Variants in CACNA1H observed in about 807,000 individuals in gnomAD.
The protein encoded by CACNA1H is calcium voltage-gated channel subunit alpha1 H.
A neutral mutation model predicts 192.5 loss-of-function variants in CACNA1H; 149 were observed. The observed-to-expected ratio is 0.77, with a 90% confidence interval of 0.68 to 0.89. The LOEUF is 0.89. Among genes scored for constraint, CACNA1H ranks in the 40% least tolerant of loss-of-function variants. The pLI is 0.00. For missense variants in CACNA1H, 4,257 were observed against 3,423.5 expected (o/e 1.24, Z -6.08); for synonymous variants, 2,202 against 1,475.2 (o/e 1.49, Z -11.29).
chr16:1,160,933 C>T (rs573952844), intron 2 of CACNA1H, among the ~76,000 whole-genome samples: 21 of 152,228 alleles, frequency 1.4e-4, no homozygotes, highest in Non-Finnish European at 2.9e-4. Context: ...AGTGCGGCCC[C>T]CCCCCAGCCT....
chr16:1,175,694 A>G (rs1964813857), intron 2 of CACNA1H, among the ~76,000 whole-genome samples: 1 of 152,202 alleles, frequency 6.6e-6, no homozygotes, highest in African/African-American at 2.4e-5. Context: ...AGGGAGGAGG[A>G]GGAGACCAGA....
At chr16:1,170,535 A>C (rs554331763) in intron 2 of CACNA1H, among the ~76,000 whole-genome samples, 1 of 152,326 alleles carries the variant, frequency 6.6e-6, no homozygotes, top group South Asian at 2.1e-4. Context: ...GGACCCCCAC[A>C]AGCCCAGTGG....
rs748186171 is a variant in CACNA1H, at chr16:1,198,685, C to T, written c.714C>T (p.Phe238=). The T allele has an allele frequency of 1.9e-5, 31 of 1,613,542 alleles. No individual in the cohort carries two copies. The highest frequency in any genetic ancestry group is 2.3e-5 in the Non-Finnish European group (27 of 1,179,658). ...TCGGGAACGTCCTTCTGCTGTGCTT[C>T]TTCGTCTTCTTCATTTTCGGCATCG... The part of the protein sequence containing the change: ...PMLGNVLLLC[F]FVFFIFGIVG... The change falls in exon 6 of 35, where the codon TTC becomes TTT. Residue 238 remains phenylalanine, a synonymous_variant. Transcript: ENST00000348261.
At chr16:1,213,100 G>A (rs547888150) in intron 26 of CACNA1H, among the ~76,000 whole-genome samples, 12 of 152,340 alleles carry the variant, frequency 7.9e-5, no homozygotes, top group African/African-American at 2.9e-4. Flanking sequence ...CTGCCTGGGG[G>A]ACACACGCAG....
chr16:1,195,574 C>A lies in CACNA1H; in HGVS notation c.545+9C>A. 1 of 1,583,892 alleles carries A rather than the reference C, an allele frequency of 6.3e-7. No individual in the cohort carries two copies. The highest frequency in any genetic ancestry group is 2.3e-5 in the East Asian group (1 of 43,376). On this transcript the variant is annotated intron_variant, in intron 4 of 34. Transcript: ENST00000348261. ...TTCATCGTCGTGGCGGGGTAGGCCCCGCCTGGGAGAGGCCACAGCGCTGGC... is the reference window on the plus strand; with the variant it reads ...TTCATCGTCGTGGCGGGGTAGGCCCAGCCTGGGAGAGGCCACAGCGCTGGC...
At chr16:1,174,365 A>ACAG (rs1964659405) in intron 2 of CACNA1H, among the ~76,000 whole-genome samples, 1 of 152,108 alleles carries the variant, frequency 6.6e-6, no homozygotes, top group East Asian at 1.9e-4. Flanking sequence ...CTAATGTTTC[A>ACAG]CAGCAGCCAA....
At chr16:1,179,442 C>G (rs111380142) in intron 2 of CACNA1H, among the ~76,000 whole-genome samples, 1 of 152,138 alleles carries the variant, frequency 6.6e-6, no homozygotes, top group Non-Finnish European at 1.5e-5. Flanking sequence ...CTGTTCCGTC[C>G]TCCTCATTTA....
Position 1,221,581 on chromosome 16 carries a change from G to T in CACNA1H, c.*587G>T, listed in dbSNP as rs552729817. The T allele has an allele frequency of 1.7e-5, 10 of 582,810 alleles. No homozygotes were observed. The highest frequency in any genetic ancestry group is 3.8e-5 in the African/African-American group (2 of 53,012). 36.1% of individuals were successfully genotyped at this position (582,810 alleles called of 1,614,324 possible). ...AGGGGCCGACCCCATGGAGTAACGC[G>T]CCCGGCCCCGATGCGAATCAGGCCT... On this transcript the variant is annotated 3_prime_UTR_variant, in exon 35 of 35. Transcript: ENST00000348261.
chr16:1,188,170 G>C (rs1966253389), intron 2 of CACNA1H, among the ~76,000 whole-genome samples: 9 of 152,244 alleles, frequency 5.9e-5, no homozygotes, highest in Admixed American at 5.9e-4. Context: ...TCACGGGGCA[G>C]GGTCGGGGAG....
intron 14 of CACNA1H, 117 bp downstream of exon 14, chr16:1,207,547 C>G (rs1293442615): frequency 1.4e-5 from 17 of 1,216,238 alleles, no homozygotes; most frequent in Non-Finnish European, 2.0e-5. Flanking sequence ...AGAAGGGAAG[C>G]TGGCTGCCAT....
rs923676411 is a variant in CACNA1H at position 1,184,351 on chromosome 16, C to T, written c.300-10621C>T. Among the ~76,000 whole-genome samples, 29 of 152,364 alleles carry T rather than the reference C, an allele frequency of 1.9e-4. No homozygotes were observed. In the East Asian group the frequency reaches 2.1e-3, roughly 11 times the overall value. ...CTGTGGAGGCCGGCAAGCGTGGGAC[C>T]GAGGCTCAGGGGTGAATGGGGCCAG... On this transcript the variant is annotated intron_variant, in intron 2 of 34. Coordinates refer to ENST00000348261, the MANE Select transcript of CACNA1H (RefSeq NM_021098.3).
chr16:1,190,001 C>T (rs1220211409), intron 2 of CACNA1H, among the ~76,000 whole-genome samples: 2 of 152,240 alleles, frequency 1.3e-5, no homozygotes, highest in African/African-American at 4.8e-5. Flanking sequence ...AGGAGAATCA[C>T]TGAGGTCCTG....
chr16:1,167,549 T>C lies in CACNA1H; in HGVS notation c.299+13513T>C, dbSNP rs7199884. 0.13 allele frequency among the ~76,000 whole-genome samples: 19,574 copies of C among 152,154 alleles called. 3,604 individuals carry two copies. The highest frequency in any genetic ancestry group is 0.41 in the African/African-American group (17,090 of 41,494). ...GGGGTTTCCTGTTACCTTTGCCAAGTCGAGGAAGGCTGGAGCCACACTCCT... is the reference window on the plus strand; with the variant it reads ...GGGGTTTCCTGTTACCTTTGCCAAGCCGAGGAAGGCTGGAGCCACACTCCT... On this transcript the variant is annotated intron_variant, in intron 2 of 34. Coordinates refer to ENST00000348261, the MANE Select transcript of CACNA1H (RefSeq NM_021098.3). The surrounding 1 kb of genome is among the most constrained non-coding windows in gnomAD (Gnocchi z 4.2).
intron 2 of CACNA1H, among the ~76,000 whole-genome samples, 185 bp downstream of exon 2, chr16:1,154,221 C>A (rs911627014): frequency 6.6e-6 from 1 of 150,424 alleles, no homozygotes; most frequent in Non-Finnish European, 1.5e-5. Flanking sequence ...GAGTGGCGGG[C>A]TTGGGGGGCC....
chr16:1,220,347 G>A lies in CACNA1H; in HGVS notation c.6415G>A (p.Asp2139Asn). 2 of 1,541,052 alleles carry A rather than the reference G, an allele frequency of 1.3e-6. No individual in the cohort carries two copies. The highest frequency in any genetic ancestry group is 1.7e-6 in the Non-Finnish European group (2 of 1,151,516). The change falls in exon 35 of 35, where the codon GAT becomes AAT. Residue 2139 changes from aspartate (D) to asparagine (N), a missense_variant. By Grantham distance (23) the Asp-to-Asn change is conservative. Coordinates refer to ENST00000348261, the MANE Select transcript of CACNA1H (RefSeq NM_021098.3). ...GGACCTGCGCAGGCTCTACAGCGTG[G>A]ATGCTCAGGGCTTCCTGGACAAGCC... ...ERDLRRLYSV[D>N]AQGFLDKPGR...
rs773822565 is a variant in CACNA1H at position 1,208,185 on chromosome 16, C to T, written c.3327C>T (p.Ser1109=). ...SLPDSRRGSS[S]SGDPPLGDQK... ...CAGACTCTCGGCGTGGCAGCAGCAG[C>T]TCCGGGGACCCGCCACTGGGAGACC... The change falls in exon 16 of 35, where the codon AGC becomes AGT. Residue 1109 remains serine (S), a synonymous_variant. Transcript: ENST00000348261. The T allele has an allele frequency of 1.3e-6, 2 of 1,547,066 alleles. No homozygotes were observed. The highest frequency in any genetic ancestry group is 2.7e-5 in the African/African-American group (2 of 73,022).
At chr16:1,166,799 C>T (rs1008438215) in intron 2 of CACNA1H, among the ~76,000 whole-genome samples, 6 of 152,164 alleles carry the variant, frequency 3.9e-5, no homozygotes, top group Non-Finnish European at 7.4e-5. Flanking sequence ...CTCATGTAGA[C>T]GGGCTGCGGT....
rs1225972524 is a variant in CACNA1H, at chr16:1,219,941, C to T, written c.6049-40C>T. On this transcript the variant is annotated intron_variant, in intron 34 of 34. Coordinates refer to ENST00000348261, the MANE Select transcript of CACNA1H (RefSeq NM_021098.3). ...AGCCCTGGCCACTGACAGGGCTCTC[C>T]CAGGGCCCCGCCCCTCACTTTGACT... The T allele has an allele frequency of 4.7e-6, 6 of 1,267,448 alleles. No homozygotes were observed. The Admixed American group carries it at 2.0e-4, about 43-fold the overall frequency. 78.5% of individuals were successfully genotyped at this position (1,267,448 alleles called of 1,614,324 possible).
chr16:1,156,836 G>A (rs975855863), intron 2 of CACNA1H: 7 of 152,182 alleles, frequency 4.6e-5, no homozygotes, highest in Non-Finnish European at 7.3e-5. Flanking sequence ...CCTGAACCCC[G>A]GGGTAGACGC....
Sources: gnomAD v4.1 joint callset for allele counts (sites outside exome capture counted in the v4.1 genomes callset) on GRCh38, gnomAD v4.1.1 for gene constraint, Gnocchi (gnomAD v3.1) non-coding constraint, MANE v1.5 for transcripts, NCBI Gene and HGNC (gene_info 2026-07-23, HGNC 2026-07-21) for gene names.